MCUB: variants seen among roughly 807,000 people sequenced by gnomAD.
MCUB encodes mitochondrial calcium uniporter dominant negative subunit beta.
MCUB carries 46 observed loss-of-function variants against 41.4 expected under a neutral mutation model. The ratio of observed to expected loss-of-function variants is 1.11; its 90% CI spans 0.88 to 1.42. The LOEUF (loss-of-function observed/expected upper bound fraction) is 1.42, where lower values mean the gene tolerates loss of function less well. Among genes scored for constraint, MCUB ranks in the 40% most tolerant of loss-of-function variants. MCUB has a pLI of 0.00. For synonymous variants in MCUB, 148 were observed against 148.2 expected, an observed-to-expected ratio of 1.00 and a Z score of 0.01; for missense variants, 403 against 404.9, an observed-to-expected ratio of 1.00 and a Z score of 0.04.
chr4:109,686,980 T>G (rs1168735995), intron 7 of MCUB, among the ~76,000 whole-genome samples: 1 of 152,062 alleles, frequency 6.6e-6, no homozygotes, highest in Non-Finnish European at 1.5e-5. Flanking sequence ...TTTTTAAGAA[T>G]ATTAAGTGGA....
chr4:109,606,133 C>A (rs1434692342), intron 1 of MCUB, among the ~76,000 whole-genome samples: 1 of 152,102 alleles, frequency 6.6e-6, no homozygotes, highest in East Asian at 1.9e-4. Context: ...TGCCACCACG[C>A]CCAGCTAATA....
At chr4:109,574,305 G>A (rs1726980691) in intron 1 of MCUB, among the ~76,000 whole-genome samples, 1 of 152,170 alleles carries the variant, frequency 6.6e-6, no homozygotes, top group Non-Finnish European at 1.5e-5. Flanking sequence ...AGCAGAATAG[G>A]TAGGCAGAGT....
intron 1 of MCUB, among the ~76,000 whole-genome samples, chr4:109,597,630 G>A (rs540205287): frequency 7.0e-5 from 10 of 142,444 alleles, no homozygotes; most frequent in East Asian, 2.2e-4. Context: ...CTGGCCGGGC[G>A]GGGGGCTGAC....
rs1366322045 is a variant in MCUB, at chr4:109,560,283, C to T, written c.-55C>T. The T allele has an allele frequency of 2.0e-5, 18 of 917,626 alleles. No homozygotes were observed. The East Asian group carries it at 6.1e-4, about 31-fold the overall frequency. 56.8% of individuals were successfully genotyped at this position (917,626 alleles called of 1,614,324 possible). On this transcript the variant is annotated 5_prime_UTR_variant, in exon 1 of 8. Coordinates refer to ENST00000394650, the MANE Select transcript of MCUB (RefSeq NM_017918.5). ...CACCAGGCGCTGACGAGGAGCCCGG[C>T]TGAGGGAGGATGCGCCGCTGACGCC...
intron 1 of MCUB, among the ~76,000 whole-genome samples, chr4:109,600,156 T>C (rs938303316): frequency 3.3e-5 from 5 of 152,262 alleles, no homozygotes; most frequent in African/African-American, 1.2e-4. Flanking sequence ...AATGATTAAA[T>C]GGCAATGGCA....
At chr4:109,592,299 A>T (rs527539959) in intron 1 of MCUB, among the ~76,000 whole-genome samples, 1 of 151,688 alleles carries the variant, frequency 6.6e-6, no homozygotes, top group Admixed American at 6.6e-5. Context: ...AATCCCAGCT[A>T]CTCGGGAGGC....
chr4:109,682,782 C>T (rs745561223), intron 5 of MCUB, 40 bp downstream of exon 5: 3 of 1,506,376 alleles, frequency 2.0e-6, no homozygotes, highest in Middle Eastern at 1.7e-4. Flanking sequence ...GAAAATAATA[C>T]CTAGTGTTTA....
At chr4:109,680,931 G>A (rs1729701317) in intron 4 of MCUB, among the ~76,000 whole-genome samples, 1 of 152,170 alleles carries the variant, frequency 6.6e-6, no homozygotes, top group South Asian at 2.1e-4. Flanking sequence ...TCATAGCAGA[G>A]CCTAATTTTA....
At chr4:109,641,469 A>G (rs151254816) in intron 1 of MCUB, among the ~76,000 whole-genome samples, 1 of 152,238 alleles carries the variant, frequency 6.6e-6, no homozygotes, top group Admixed American at 6.5e-5. Flanking sequence ...GGTGCCCCAA[A>G]ATAATTACAA....
At chr4:109,601,391 C>T (rs1256726280) in intron 1 of MCUB, among the ~76,000 whole-genome samples, 1 of 152,142 alleles carries the variant, frequency 6.6e-6, no homozygotes, top group Non-Finnish European at 1.5e-5. Flanking sequence ...CCCTTCCCTA[C>T]CCCTGTTACC....
intron 4 of MCUB, among the ~76,000 whole-genome samples, chr4:109,682,311 AT>A (rs1262251517): frequency 7.8e-6 from 1 of 128,656 alleles, no homozygotes; most frequent in Non-Finnish European, 1.6e-5. Context: ...TGCCAAAGTC[AT>A]TTTTTTGGTG....
chr4:109,681,527 G>A (rs572243303), intron 4 of MCUB: 15 of 438,958 alleles, frequency 3.4e-5, no homozygotes, highest in South Asian at 2.0e-4. Context: ...TCTGACCTGG[G>A]GTTCTTGGCC....
At chr4:109,586,895 G>T (rs557699406) in intron 1 of MCUB, among the ~76,000 whole-genome samples, 4 of 152,334 alleles carry the variant, frequency 2.6e-5, no homozygotes, top group African/African-American at 7.2e-5. Context: ...GTGTCTCCCA[G>T]TTAGGCTACA....
chr4:109,659,018 G>A lies in MCUB; in HGVS notation c.107G>A (p.Arg36His), dbSNP rs762254173. ...WPLPPPPQVL[R>H]VKLCGNVKYY... is the part of the protein sequence containing the mutation. ...AATTTTTCCTTCTTGTAGGTTTTGC[G>A]TGTGAAGCTGTGTGGAAATGTGAAA... The change falls in exon 2 of 8, where the codon CGT becomes CAT. Residue 36 changes from arginine to histidine, a missense_variant. Physicochemically the swap from Arg to His is conservative, Grantham distance 29 (BLOSUM62 0). Transcript: ENST00000394650. The A allele has an allele frequency of 4.0e-5, 61 of 1,529,580 alleles. No individual in the cohort carries two copies. The highest frequency in any genetic ancestry group is 8.4e-5 in the South Asian group (7 of 83,466). 94.8% of individuals were successfully genotyped at this position (1,529,580 alleles called of 1,614,324 possible). A position where few individuals can be genotyped will look rare whatever the true frequency, so the allele number is the denominator to read the frequency against.
At chr4:109,655,851 T>C (rs578192189) in intron 1 of MCUB, among the ~76,000 whole-genome samples, 4 of 152,246 alleles carry the variant, frequency 2.6e-5, no homozygotes, top group Non-Finnish European at 5.9e-5. Context: ...CCTCTGGAGC[T>C]TATTAAAAAT....
intron 1 of MCUB, among the ~76,000 whole-genome samples, chr4:109,565,435 A>G (rs944922496): frequency 2.6e-5 from 4 of 152,188 alleles, no homozygotes; most frequent in South Asian, 2.1e-4. Context: ...CTGACTACCA[A>G]TGTTTCATCA....
At chr4:109,599,194 TAATC>T (rs1727668514) in intron 1 of MCUB, among the ~76,000 whole-genome samples, 1 of 152,354 alleles carries the variant, frequency 6.6e-6, no homozygotes, top group African/African-American at 2.4e-5. Flanking sequence ...AAGCCTTACT[TAATC>T]AAGTGTTGAG....
chr4:109,610,406 T>C (rs1025767959), intron 1 of MCUB, among the ~76,000 whole-genome samples: 2 of 152,234 alleles, frequency 1.3e-5, no homozygotes, highest in Non-Finnish European at 2.9e-5. Flanking sequence ...GCCCCTCTCC[T>C]ATTATATCTT....
intron 1 of MCUB, among the ~76,000 whole-genome samples, chr4:109,608,571 A>G (rs1461592278): frequency 6.6e-6 from 1 of 152,000 alleles, no homozygotes; most frequent in Non-Finnish European, 1.5e-5. Flanking sequence ...CACTGCAGCC[A>G]TGACCTCCCT....
Sources: gnomAD v4.1 joint callset for allele counts (sites outside exome capture counted in the v4.1 genomes callset) on GRCh38, gnomAD v4.1.1 for gene constraint, MANE v1.5 for transcripts, NCBI Gene and HGNC (gene_info 2026-07-23, HGNC 2026-07-21) for gene names.